SBF1: variants seen among roughly 807,000 people sequenced by gnomAD.
SBF1 encodes SET binding factor 1.
In SBF1, 65 loss-of-function variants were observed where a neutral mutation model predicts 215.8. The ratio of observed to expected loss-of-function variants is 0.30; its 90% CI spans 0.25 to 0.37. The LOEUF (loss-of-function observed/expected upper bound fraction) is 0.37, where lower values mean the gene tolerates loss of function less well. Ranked by LOEUF, SBF1 falls within the 10% of genes least tolerant of loss-of-function variation. The probability of loss-of-function intolerance (pLI) is 1.00; values close to 1 mark genes in which losing one functional copy is unlikely to be tolerated. For missense variants in SBF1, 2,634 were observed against 2,667.8 expected (o/e 0.99, Z 0.28); for synonymous variants, 1,410 against 1,122.8 (o/e 1.26, Z -5.11).
rs1569513946 is a variant in SBF1 at position 50,466,890 on chromosome 22, G to A, written c.550-180C>T. The A allele has an allele frequency of 1.2e-5, 7 of 583,286 alleles. No homozygotes were observed. The East Asian group carries it at 1.8e-4, about 15-fold the overall frequency. The allele number at this position is 583,286 out of a possible 1,614,324, so 36.1% of individuals were successfully genotyped here. ...CCTGCCTCTGTTGTCCCAAGCAGCT[G>A]CAGAGAAAACTCAGGACAGGAGTGG... On this transcript the variant is annotated intron_variant, in intron 5 of 40. Transcript: ENST00000380817.
Position 50,474,992 on chromosome 22 carries a change from G to T in SBF1, c.-152C>A, listed in dbSNP as rs768203658. Reference sequence around the variant, plus strand: ...CGGCGGCGGCGGCGGCGGCGGCGGCGGCCCAGGTTCCCGCCGCCATCTTCC... The same window carrying T: ...CGGCGGCGGCGGCGGCGGCGGCGGCTGCCCAGGTTCCCGCCGCCATCTTCC... On this transcript the variant is annotated 5_prime_UTR_variant, in exon 1 of 41. Coordinates refer to ENST00000380817, the MANE Select transcript of SBF1 (RefSeq NM_002972.4). The T allele has an allele frequency of 1.1e-5, 3 of 265,890 alleles. No individual in the cohort carries two copies. Among genetic ancestry groups the T allele is most frequent in the South Asian group, 9.7e-5 (1 of 10,258 alleles). The allele number at this position is 265,890 out of a possible 1,614,324, so 16.5% of individuals were successfully genotyped here.
intron 38 of SBF1, among the ~76,000 whole-genome samples, chr22:50,447,909 A>G (rs2066896872): frequency 6.6e-6 from 1 of 152,210 alleles, no homozygotes; most frequent in South Asian, 2.1e-4. Flanking sequence ...AGCCCCCTAC[A>G]CAGGGCAGGC....
intron 36 of SBF1, among the ~76,000 whole-genome samples, chr22:50,451,279 G>A (rs1202697923): frequency 4.6e-5 from 7 of 151,948 alleles, no homozygotes; most frequent in South Asian, 2.1e-4. Context: ...TGGGAGGTTC[G>A]GGCTGCAGTG....
At chr22:50,472,301 C>T (rs2068024247) in intron 1 of SBF1, among the ~76,000 whole-genome samples, 1 of 152,200 alleles carries the variant, frequency 6.6e-6, no homozygotes, top group Non-Finnish European at 1.5e-5. Context: ...AGGACTCATG[C>T]ACCCTCAGCA....
chr22:50,470,479 C>T (rs1217669728), intron 1 of SBF1, among the ~76,000 whole-genome samples: 1 of 152,154 alleles, frequency 6.6e-6, no homozygotes, highest in Non-Finnish European at 1.5e-5. Context: ...TCTCCTTGGG[C>T]TGGCCCAATG....
chr22:50,465,187 C>T lies in SBF1; in HGVS notation c.1203+28G>A, dbSNP rs373669232. 18 of 1,612,912 alleles carry T rather than the reference C, an allele frequency of 1.1e-5. No individual in the cohort carries two copies. The African/African-American group carries it at 2.0e-4, about 18-fold the overall frequency. ...GTCTCCACCATGCGCTTATCTCCTACCCCACGCCCAGCCACCAGGCACCCC... is the reference window on the plus strand; with the variant it reads ...GTCTCCACCATGCGCTTATCTCCTATCCCACGCCCAGCCACCAGGCACCCC... On this transcript the variant is annotated intron_variant, in intron 11 of 40. Coordinates refer to ENST00000380817, the MANE Select transcript of SBF1 (RefSeq NM_002972.4).
chr22:50,457,758 G>A (rs184024201), intron 28 of SBF1, among the ~76,000 whole-genome samples: 2 of 152,342 alleles, frequency 1.3e-5, no homozygotes, highest in Admixed American at 6.5e-5. Context: ...GAGATGCCTG[G>A]GGTCCACAGA....
Position 50,454,062 on chromosome 22 carries a change from G to C in SBF1, c.5043+450C>G, listed in dbSNP as rs74751306. 4.4e-4 allele frequency among the ~76,000 whole-genome samples: 67 copies of C among 152,328 alleles called. No homozygotes were observed. The East Asian group carries it at 0.01, about 24-fold the overall frequency. ...CCCACCAGGGATGGCACAGTGAGGG[G>C]TAAGAGAGGCCTCAATGTCAACCCC... On this transcript the variant is annotated intron_variant, in intron 36 of 40. Coordinates refer to ENST00000380817, the MANE Select transcript of SBF1 (RefSeq NM_002972.4).
At chr22:50,459,233 G>A (rs200071498) in intron 28 of SBF1, 22 bp downstream of exon 28, 53 of 1,584,354 alleles carry the variant, frequency 3.3e-5, no homozygotes, top group South Asian at 1.8e-4. Flanking sequence ...CTGCCCCACC[G>A]TCTGCCCACA....
intron 1 of SBF1, among the ~76,000 whole-genome samples, chr22:50,473,142 C>A (rs886473723): frequency 2.0e-5 from 3 of 152,174 alleles, no homozygotes; most frequent in Admixed American, 6.5e-5. Context: ...CCTCACCCCA[C>A]GGCCACCACG....
At chr22:50,448,757 GC>G (rs1336934916) in intron 36 of SBF1, 107 bp from the exon 37 acceptor site, 1 of 831,928 alleles carries the variant, frequency 1.2e-6, no homozygotes, top group East Asian at 2.6e-5. Flanking sequence ...AAGGCCTAAC[GC>G]GTGTGTGACT....
In SBF1 at chr22:50,466,753, C is replaced by T. The variant is rs989326190; in HGVS notation, c.550-43G>A. On this transcript the variant is annotated intron_variant, in intron 5 of 40. Transcript: ENST00000380817. ...TCGGGGCTCAGTAGTTTGGCCAGAG[C>T]CAGCCCAGAGTCAGCCCAGAGCTCT... The T allele has an allele frequency of 4.3e-6, 6 of 1,389,470 alleles. No homozygotes were observed. In the Admixed American group the frequency reaches 1.4e-4, roughly 32 times the overall value. 86.1% of individuals were successfully genotyped at this position (1,389,470 alleles called of 1,614,324 possible).
At chr22:50,459,833 C>A (rs2067425899) in intron 26 of SBF1, 119 bp downstream of exon 26, 2 of 1,389,340 alleles carry the variant, frequency 1.4e-6, no homozygotes, top group Non-Finnish European at 2.0e-6. Context: ...GTCCCTCTGC[C>A]CGGAGTCTCC....
chr22:50,474,686 TCGGCCCCCAGCCCC>T (rs1424757882), intron 1 of SBF1, 86 bp downstream of exon 1: 38 of 519,222 alleles, frequency 7.3e-5, no homozygotes, highest in East Asian at 1.3e-4. Flanking sequence ...CCCCCAGCCC[TCGGCCCCCAGCCCC>T]CGGCCCTCGA....
At position 50,466,484 on chromosome 22, in the gene SBF1, TA is replaced by T; in HGVS notation, c.656-3del. ...ACAAAGACAGCACGTTGGTGATGCCTAAAGGAAGAAGAGAAGCTTGGAGAGG... is the reference window on the plus strand; with the variant it reads ...ACAAAGACAGCACGTTGGTGATGCCTAAGGAAGAAGAGAAGCTTGGAGAGG... On this transcript the variant is annotated splice_region_variant and splice_polypyrimidine_tract_variant and intron_variant, in intron 6 of 40. Coordinates refer to ENST00000380817, the MANE Select transcript of SBF1 (RefSeq NM_002972.4). The T allele has an allele frequency of 1.9e-6, 3 of 1,542,302 alleles. No individual in the cohort carries two copies. The highest frequency in any genetic ancestry group is 2.5e-5 in the East Asian group (1 of 40,774).
At position 50,461,881 on chromosome 22, in the gene SBF1, C is replaced by A. The variant is rs1324424583; in HGVS notation, c.2570-12G>T. On this transcript the variant is annotated splice_polypyrimidine_tract_variant and intron_variant, in intron 20 of 40. Transcript: ENST00000380817. ...CATCTGGACAATGTCTGGGGGAAGA[C>A]AGTTCTCACACTTTGTGCCCAGCCC... is the stretch of plus-strand genomic sequence containing the variant. 1.2e-5 allele frequency: 19 copies of A among 1,614,076 alleles called. No individual in the cohort carries two copies. Among genetic ancestry groups the A allele is most frequent in the Non-Finnish European group, 1.5e-5 (18 of 1,180,018 alleles).
intron 10 of SBF1, 108 bp downstream of exon 10, chr22:50,465,655 A>T: frequency 9.7e-7 from 1 of 1,032,444 alleles, no homozygotes; most frequent in Admixed American, 2.8e-5. Context: ...CTGCTACTGG[A>T]GCCGGGGCCA....
chr22:50,454,087 C>T (rs1259432378), intron 36 of SBF1, among the ~76,000 whole-genome samples: 1 of 152,234 alleles, frequency 6.6e-6, no homozygotes, highest in African/African-American at 2.4e-5. Context: ...ATGTCAACCC[C>T]AAGCTCTCAG....
chr22:50,460,125 C>CG lies in SBF1; in HGVS notation c.3317dup (p.Ser1107ValfsTer42), dbSNP rs2067440192. The CG allele has an allele frequency of 6.2e-7, 1 of 1,612,642 alleles. No homozygotes were observed. The highest frequency in any genetic ancestry group is 1.3e-5 in the African/African-American group (1 of 74,914). On this transcript the variant is annotated frameshift_variant, in exon 26 of 41. Transcript: ENST00000380817. LOFTEE classifies it high-confidence loss of function. ...GGTCGGAGGGCTTCAGGGCTGAGGA[C>CG]GGGGTCAGCGTGCTGGGCTCCAGCT... is the stretch of plus-strand genomic sequence containing the variant.
Sources: gnomAD v4.1 joint callset for allele counts (sites outside exome capture counted in the v4.1 genomes callset) on GRCh38, gnomAD v4.1.1 for gene constraint, MANE v1.5 for transcripts, NCBI Gene and HGNC (gene_info 2026-07-23, HGNC 2026-07-21) for gene names.